The following LY96 variants were observed in gnomAD, a reference collection of about 807,000 sequenced individuals.
The protein encoded by LY96 is myeloid differentiation protein-2.
Under a neutral mutation model 18.9 loss-of-function variants are expected in LY96, and 18 were observed. The observed-to-expected ratio is 0.95, with a 90% confidence interval of 0.66 to 1.41. The LOEUF (loss-of-function observed/expected upper bound fraction) is 1.41. Among genes scored for constraint, LY96 ranks in the 40% most tolerant of loss-of-function variants. LY96 has a pLI of 0.00. For missense variants in LY96, 175 were observed against 182.4 expected (o/e 0.96, Z 0.23); for synonymous variants, 66 against 62.6 (o/e 1.06, Z -0.26).
At chr8:74,042,346 C>A in the LY96 span, among the ~76,000 whole-genome samples, 3 of 152,108 alleles carry the variant, frequency 2.0e-5, no homozygotes, top group Admixed American at 1.3e-4. Flanking sequence ...CATGGTGAAA[C>A]CCCATCTCTC....
chr8:73,995,561 G>A (rs1816109631), intron 1 of LY96, among the ~76,000 whole-genome samples: 1 of 152,192 alleles, frequency 6.6e-6, no homozygotes, highest in Admixed American at 6.5e-5. Context: ...CGAGAGGAAT[G>A]AGGACACATT....
chr8:73,992,497 C>CA (rs1258130529), intron 1 of LY96, among the ~76,000 whole-genome samples: 3 of 152,226 alleles, frequency 2.0e-5, no homozygotes, highest in Non-Finnish European at 2.9e-5. Context: ...TGTTTAACCA[C>CA]ATTTTCAATT....
the LY96 span, among the ~76,000 whole-genome samples, chr8:74,085,981 C>A: frequency 6.6e-6 from 1 of 152,056 alleles, no homozygotes; most frequent in Admixed American, 6.6e-5. Flanking sequence ...TAAATTAGAT[C>A]CCTAGGACAT....
the LY96 span, among the ~76,000 whole-genome samples, chr8:74,034,785 G>A: frequency 8.7e-4 from 133 of 152,198 alleles, no homozygotes; most frequent in Middle Eastern, 6.8e-3. Context: ...TTCTAGGCCC[G>A]GGGACTGTCA....
chr8:74,016,665 G>A (rs1816649187), intron 3 of LY96, among the ~76,000 whole-genome samples: 1 of 152,204 alleles, frequency 6.6e-6, no homozygotes, highest in South Asian at 2.1e-4. Context: ...AGCTTCCAGA[G>A]GAAGGATCAG....
At chr8:74,085,669 C>T in the LY96 span, among the ~76,000 whole-genome samples, 7 of 152,154 alleles carry the variant, frequency 4.6e-5, no homozygotes, top group African/African-American at 1.4e-4. Context: ...TGCCAAGACT[C>T]CTTTCTATTT....
At chr8:73,996,385 CTTT>C (rs1816141198) in intron 1 of LY96, among the ~76,000 whole-genome samples, 3 of 41,252 alleles carry the variant, frequency 7.3e-5, no homozygotes, top group Admixed American at 3.0e-4. Context: ...TTCTTTCTTT[CTTT>C]CTTTCTTTCT....
intron 1 of LY96, among the ~76,000 whole-genome samples, chr8:74,001,370 C>T (rs766411909): frequency 1.9e-4 from 29 of 151,856 alleles, no homozygotes; most frequent in African/African-American, 6.3e-4. Context: ...ATGACAGGCA[C>T]GTGCTGTGCT....
chr8:74,039,029 T>C, the LY96 span, among the ~76,000 whole-genome samples: 1 of 152,348 alleles, frequency 6.6e-6, no homozygotes, highest in South Asian at 2.1e-4. Flanking sequence ...TCTACATCCT[T>C]GCCAGCATTT....
At chr8:74,080,640 T>C in the LY96 span, among the ~76,000 whole-genome samples, 37 of 152,332 alleles carry the variant, frequency 2.4e-4, no homozygotes, top group Non-Finnish European at 4.9e-4. Flanking sequence ...CTGTTACTGA[T>C]TCCCTGCTTC....
At chr8:74,012,146 A>G (rs1175356921) in intron 3 of LY96, among the ~76,000 whole-genome samples, 1 of 152,220 alleles carries the variant, frequency 6.6e-6, no homozygotes, top group Non-Finnish European at 1.5e-5. Context: ...TCAAAGAACT[A>G]AAAATAGAAC....
At chr8:74,096,767 T>C in the LY96 span, among the ~76,000 whole-genome samples, 1 of 152,194 alleles carries the variant, frequency 6.6e-6, no homozygotes, top group East Asian at 1.9e-4. Context: ...AGTGGATGTT[T>C]GTTGAATGAA....
chr8:74,095,872 A>G, the LY96 span, among the ~76,000 whole-genome samples: 1 of 152,146 alleles, frequency 6.6e-6, no homozygotes, highest in Non-Finnish European at 1.5e-5. Flanking sequence ...CCTGTCCCTG[A>G]ATTCCAGACT....
chr8:74,005,747 T>G (rs897176059), intron 2 of LY96, among the ~76,000 whole-genome samples: 2 of 152,204 alleles, frequency 1.3e-5, no homozygotes, highest in African/African-American at 4.8e-5. Context: ...GGGCTGTATC[T>G]CAGTCTCTGT....
the LY96 span, among the ~76,000 whole-genome samples, chr8:74,070,737 T>TA: frequency 2.9e-4 from 44 of 151,338 alleles, 1 homozygote; most frequent in South Asian, 7.7e-3. Context: ...CTTGCTTTTT[T>TA]AAAAAAAAAT....
the LY96 span, among the ~76,000 whole-genome samples, chr8:74,086,924 G>A: frequency 6.6e-6 from 1 of 152,224 alleles, no homozygotes; most frequent in Non-Finnish European, 1.5e-5. Flanking sequence ...GTTTAGGCCT[G>A]TGAGAAATAA....
chr8:74,078,635 A>G, the LY96 span, among the ~76,000 whole-genome samples: 1 of 152,030 alleles, frequency 6.6e-6, no homozygotes, highest in Non-Finnish European at 1.5e-5. Context: ...CTGCCAGGGA[A>G]TCTGGCAGCA....
chr8:74,084,617 CTT>C, the LY96 span, among the ~76,000 whole-genome samples: 158 of 152,080 alleles, frequency 1.0e-3, 4 homozygotes, highest in Non-Finnish European at 3.8e-4. Context: ...CTCTCTCTCT[CTT>C]TTTTCTTTTT....
At chr8:74,033,493 G>GTC (rs1188238868), downstream of LY96, among the ~76,000 whole-genome samples, 4 of 152,154 alleles carry the variant, frequency 2.6e-5, no homozygotes, top group Non-Finnish European at 5.9e-5. Flanking sequence ...TTGATATAGG[G>GTC]TCTTGCTCCC....
Sources: gnomAD v4.1 joint callset for allele counts (sites outside exome capture counted in the v4.1 genomes callset) on GRCh38, gnomAD v4.1.1 for gene constraint, MANE v1.5 for transcripts, NCBI Gene and HGNC (gene_info 2026-07-23, HGNC 2026-07-21) for gene names.